NUMBL: variants seen among roughly 807,000 people sequenced by gnomAD.
The protein encoded by NUMBL is NUMB like endocytic adaptor protein.
NUMBL carries 20 observed loss-of-function variants against 48.9 expected under a neutral mutation model. The ratio of observed to expected loss-of-function variants is 0.41; its 90% confidence interval spans 0.29 to 0.59. The LOEUF is 0.59. NUMBL is among the 20% of genes least tolerant of loss of function. NUMBL has a pLI of 0.31. For synonymous variants in NUMBL, 340 were observed against 348.7 expected (o/e 0.98, Z 0.28); for missense variants, 660 against 846.2 (o/e 0.78, Z 2.73).
chr19:40,690,428 C>A (rs1484468784), intron 1 of NUMBL, 32 bp downstream of exon 1: 1 of 1,212,552 alleles, frequency 8.2e-7, no homozygotes, highest in Non-Finnish European at 1.0e-6. Context: ...GCGCCGCCCC[C>A]GACCCGAGCC....
chr19:40,690,542 TG>T lies in NUMBL; in HGVS notation c.-60del. ...TGGCTGGGCCTGGCTCCCCGACTGC[TG>T]CTGCTGCGGTGGTGGCGGCGGCAGC... is the stretch of plus-strand genomic sequence containing the variant. On this transcript the variant is annotated 5_prime_UTR_variant, in exon 1 of 10. Coordinates refer to ENST00000252891, the MANE Select transcript of NUMBL (RefSeq NM_004756.5). 1 of 1,103,572 alleles carries T rather than the reference TG, an allele frequency of 9.1e-7. No homozygotes were observed. The highest frequency in any genetic ancestry group is 1.1e-6 in the Non-Finnish European group (1 of 871,784). 68.4% of individuals were successfully genotyped at this position (1,103,572 alleles called of 1,614,324 possible).
At chr19:40,686,712 T>C (rs59449188) in intron 2 of NUMBL, among the ~76,000 whole-genome samples, 199 bp downstream of exon 2, 62,432 of 151,884 alleles carry the variant, frequency 0.41, 13,411 homozygotes, top group African/African-American at 0.53. Flanking sequence ...TGTTTGTGAC[T>C]CTGCACTTGA....
chr19:40,677,183 G>T (rs1271715903), intron 7 of NUMBL, 49 bp downstream of exon 7: 23 of 1,536,368 alleles, frequency 1.5e-5, no homozygotes, highest in Non-Finnish European at 1.9e-5. Flanking sequence ...CTGATACTGG[G>T]TACCCTGTGC....
Position 40,667,826 on chromosome 19 carries a change from A to T in NUMBL, c.1472T>A (p.Val491Glu). 6.3e-7 allele frequency: 1 copy of T among 1,589,300 alleles called. No homozygotes were observed. Among genetic ancestry groups the T allele is most frequent in the Admixed American group, 1.8e-5 (1 of 56,374 alleles). The stretch of plus-strand genomic sequence containing the variant: ...GTAGCCCAAGCCCGGGTAGGCGGGC[A>T]CAAAAGGGGGCTGCATGTGTGGGGG... ...LPPPHMQPPFVPAYPGLGYPP... is the reference protein window; with the variant it reads ...LPPPHMQPPFEPAYPGLGYPP... Residue 491 changes from valine to glutamate, a missense_variant, in exon 10 of 10, where the codon GTG (valine) becomes GAG (glutamate). This residue lies in a region of NUMBL where 296 missense variants were observed against 339.7 expected (regional missense o/e 0.87). Transcript: ENST00000252891. The surrounding 1 kb of genome is among the most constrained non-coding windows in gnomAD (Gnocchi z 6.1).
At chr19:40,683,967 G>T (rs1332192532) in intron 3 of NUMBL, 3 of 162,028 alleles carry the variant, frequency 1.9e-5, no homozygotes, top group African/African-American at 7.3e-5. Context: ...GTCTCCCTGT[G>T]TTTGCCCAGG....
At chr19:40,670,971 A>T (rs1385699680) in intron 8 of NUMBL, among the ~76,000 whole-genome samples, 1 of 151,988 alleles carries the variant, frequency 6.6e-6, no homozygotes, top group Non-Finnish European at 1.5e-5. Context: ...TTTCTTTTTT[A>T]AAAATATTTA....
rs907459417 is a variant in NUMBL at position 40,690,643 on chromosome 19, G to C, written c.-160C>G. On this transcript the variant is annotated 5_prime_UTR_variant, in exon 1 of 10. Transcript: ENST00000252891. ...ACGCGCGCGAGCCTCCTCGGCTCCC[G>C]GGAGGATTCCGTTCCGGGGGCGGGG... 6 of 374,834 alleles carry C rather than the reference G, an allele frequency of 1.6e-5. No individual in the cohort carries two copies. The highest frequency in any genetic ancestry group is 7.2e-4 in the Middle Eastern group (1 of 1,388). The allele number at this position is 374,834 out of a possible 1,614,324, so 23.2% of individuals were successfully genotyped here.
intron 6 of NUMBL, among the ~76,000 whole-genome samples, chr19:40,677,890 T>A (rs987017822): frequency 2.0e-5 from 3 of 152,076 alleles, no homozygotes; most frequent in African/African-American, 7.2e-5. Context: ...GGGTGGGGAA[T>A]GACTGGAAAG....
intron 2 of NUMBL, 140 bp from the exon 3 acceptor site, chr19:40,684,696 G>T (rs947024369): frequency 1.7e-6 from 2 of 1,188,032 alleles, no homozygotes; most frequent in South Asian, 3.2e-5. Context: ...AGTTGGCAGC[G>T]CACATGGGAT....
intron 9 of NUMBL, among the ~76,000 whole-genome samples, chr19:40,669,588 G>T (rs1404855744): frequency 6.6e-6 from 1 of 151,760 alleles, no homozygotes; most frequent in Non-Finnish European, 1.5e-5. Context: ...CTGGCTCTAA[G>T]ATGATCCCTG....
In NUMBL at chr19:40,681,183, C is replaced by T. The variant is rs976774271; in HGVS notation, c.400-126G>A. On this transcript the variant is annotated intron_variant, in intron 5 of 9. Coordinates refer to ENST00000252891, the MANE Select transcript of NUMBL (RefSeq NM_004756.5). ...TGGGGACCCAGCAGTCACTGAGACA[C>T]CCTGTGCCTTGCCTGCAGAGGGCTC... 5.9e-6 allele frequency: 6 copies of T among 1,008,532 alleles called. No individual in the cohort carries two copies. The Admixed American group carries it at 1.0e-4, about 17-fold the overall frequency. 62.5% of individuals were successfully genotyped at this position (1,008,532 alleles called of 1,614,324 possible). A position where few individuals can be genotyped will look rare whatever the true frequency, so the allele number is the denominator to read the frequency against.
In NUMBL at chr19:40,687,767, G is replaced by A. The variant is rs554693409; in HGVS notation, c.25-772C>T. On this transcript the variant is annotated intron_variant, in intron 1 of 9. Transcript: ENST00000252891. The surrounding 1 kb of genome is among the most constrained non-coding windows in gnomAD (Gnocchi z 4.6). ...TGACCCAGTCCCACACGACACAATC[G>A]CAGCTATATACACTTGTTACACGTA... Among the ~76,000 whole-genome samples the A allele has an allele frequency of 2.0e-5, 3 of 152,150 alleles. No individual in the cohort carries two copies. The highest frequency in any genetic ancestry group is 3.9e-4 in the East Asian group (2 of 5,176).
intron 6 of NUMBL, among the ~76,000 whole-genome samples, chr19:40,678,994 G>A (rs759300102): frequency 6.6e-6 from 1 of 152,152 alleles, no homozygotes; most frequent in Non-Finnish European, 1.5e-5. Flanking sequence ...GGGAGGCTGT[G>A]GCAGGAGAAT....
intron 8 of NUMBL, among the ~76,000 whole-genome samples, chr19:40,671,293 ACT>A (rs2081846357): frequency 6.6e-6 from 1 of 151,636 alleles, no homozygotes; most frequent in Non-Finnish European, 1.5e-5. Flanking sequence ...GTGACTTCTG[ACT>A]CTGTGATTTT....
At position 40,673,213 on chromosome 19, in the gene NUMBL, A is replaced by ACT; in HGVS notation, c.1036+129_1036+130dup. The ACT allele has an allele frequency of 1.0e-6, 1 of 961,686 alleles. No homozygotes were observed. The highest frequency in any genetic ancestry group is 1.5e-6 in the Non-Finnish European group (1 of 664,768). The allele number at this position is 961,686 out of a possible 1,614,324, so 59.6% of individuals were successfully genotyped here. ...TGCTAATCGATCATGACATGTTCCC[A>ACT]CTCTCTCTCCTTTGCCCATGGCAGA... is the stretch of plus-strand genomic sequence containing the variant. On this transcript the variant is annotated intron_variant, in intron 8 of 9. Transcript: ENST00000252891. This position sits in a 1 kb window ranked among gnomAD's most constrained non-coding sequence, Gnocchi z 5.9.
At position 40,688,272 on chromosome 19, in the gene NUMBL, A is replaced by G. The variant is rs1413804932; in HGVS notation, c.25-1277T>C. Among the ~76,000 whole-genome samples, 1 of 152,260 alleles carries G rather than the reference A, an allele frequency of 6.6e-6. No homozygotes were observed. The highest frequency in any genetic ancestry group is 1.5e-5 in the Non-Finnish European group (1 of 68,046). ...CTTCATGCAGGCACACAAGTCACAC[A>G]GACAAGTATGTGGCCATATAGAATC... is the stretch of plus-strand genomic sequence containing the variant. On this transcript the variant is annotated intron_variant, in intron 1 of 9. Transcript: ENST00000252891. The surrounding 1 kb of genome is among the most constrained non-coding windows in gnomAD (Gnocchi z 4.6).
chr19:40,683,004 C>T (rs1221017383), intron 3 of NUMBL, 36 bp from the exon 4 acceptor site: 1 of 1,564,266 alleles, frequency 6.4e-7, no homozygotes, highest in Non-Finnish European at 8.8e-7. Flanking sequence ...GGACATGAAA[C>T]AGCACAGTAA....
chr19:40,667,775 A>G lies in NUMBL; in HGVS notation c.1523T>C (p.Val508Ala). The change falls in exon 10 of 10, where the codon GTG (valine) becomes GCG (alanine). Residue 508 changes from valine to alanine, a missense_variant. Coordinates refer to ENST00000252891, the MANE Select transcript of NUMBL (RefSeq NM_004756.5). This position sits in a 1 kb window ranked among gnomAD's most constrained non-coding sequence, Gnocchi z 6.1. Reference protein sequence around the residue: ...GYPPMPRVPVVGITPSQMVAN... With the variant: ...GYPPMPRVPVAGITPSQMVAN... Reference sequence around the variant, plus strand: ...CACCATCTGTGAGGGTGTGATGCCCACCACGGGCACCCGGGGCATCGGTGG... The same window carrying G: ...CACCATCTGTGAGGGTGTGATGCCCGCCACGGGCACCCGGGGCATCGGTGG... 1 of 1,580,164 alleles carries G rather than the reference A, an allele frequency of 6.3e-7. No individual in the cohort carries two copies. Among genetic ancestry groups the G allele is most frequent in the Non-Finnish European group, 8.6e-7 (1 of 1,163,506 alleles).
rs181139449 is a variant in NUMBL at position 40,684,046 on chromosome 19, G to A, written c.249+371C>T. On this transcript the variant is annotated intron_variant, in intron 3 of 9. Coordinates refer to ENST00000252891, the MANE Select transcript of NUMBL (RefSeq NM_004756.5). The stretch of plus-strand genomic sequence containing the variant: ...CTCCCAGTGTGCTGGAATTACAGGT[G>A]TTAGCCACCACTACGCTTCAAGTTT... 164 of 197,520 alleles carry A rather than the reference G, an allele frequency of 8.3e-4. 2 individuals carry two copies. The highest frequency in any genetic ancestry group is 4.1e-3 in the African/African-American group (156 of 38,510). 12.2% of individuals were successfully genotyped at this position (197,520 alleles called of 1,614,324 possible). A position where few individuals can be genotyped will look rare whatever the true frequency, so the allele number is the denominator to read the frequency against.
Sources: gnomAD v4.1 joint callset for allele counts (sites outside exome capture counted in the v4.1 genomes callset) on GRCh38, gnomAD v4.1.1 for gene constraint, gnomAD v4.1.1 regional missense constraint, Gnocchi (gnomAD v3.1) non-coding constraint, MANE v1.5 for transcripts, NCBI Gene and HGNC (gene_info 2026-07-23, HGNC 2026-07-21) for gene names.